The following ORC2 variants were observed in gnomAD, a reference collection of about 807,000 sequenced individuals.
The protein encoded by ORC2 is origin recognition complex protein 2 homolog.
Under a neutral mutation model 77.7 loss-of-function variants are expected in ORC2, and 37 were observed. The observed-to-expected ratio is 0.48, with a 90% CI of 0.37 to 0.63. ORC2 has a LOEUF of 0.63. ORC2 is among the 20% of genes least tolerant of loss of function. The probability of loss-of-function intolerance (pLI) is 0.00; values close to 1 mark genes in which losing one functional copy is unlikely to be tolerated. For synonymous variants in ORC2, 201 were observed against 229.5 expected, an observed-to-expected ratio of 0.88 and a Z score of 1.12; for missense variants, 557 against 661.9, an observed-to-expected ratio of 0.84 and a Z score of 1.74.
intron 13 of ORC2, among the ~76,000 whole-genome samples, chr2:200,922,042 C>CA (rs1361208053): frequency 6.7e-6 from 1 of 148,966 alleles, no homozygotes; most frequent in Non-Finnish European, 1.5e-5. Flanking sequence ...GGAGGGATAC[C>CA]AAAAAAACCA....
rs2040547717 is a variant in ORC2 at position 200,911,318 on chromosome 2, C to G, written c.1717G>C (p.Glu573Gln). ...GGAAAGCTTCAAGCCTCCTCTTCTT[C>G]CTTTTCCAAGAAATCAGTCAATGTT... Reference protein sequence around the residue: ...NGTLTDFLEKEEEEA With the variant: ...NGTLTDFLEKQEEEA The change falls in exon 18 of 18, where the codon GAA becomes CAA. Residue 573 changes from glutamate to glutamine, a missense_variant. Glu to Gln is a conservative substitution (Grantham distance 29). Transcript: ENST00000234296. 1 of 1,606,234 alleles carries G rather than the reference C, an allele frequency of 6.2e-7. No homozygotes were observed. Among genetic ancestry groups the G allele is most frequent in the Non-Finnish European group, 8.5e-7 (1 of 1,173,012 alleles).
chr2:200,947,192 G>A (rs938380758), intron 5 of ORC2, among the ~76,000 whole-genome samples: 16 of 151,904 alleles, frequency 1.1e-4, no homozygotes, highest in Middle Eastern at 6.8e-3. Context: ...GCGAGCCACC[G>A]CGACCAACCA....
At chr2:200,914,237 C>G (rs1451868448) in intron 15 of ORC2, among the ~76,000 whole-genome samples, 1 of 148,824 alleles carries the variant, frequency 6.7e-6, no homozygotes, top group Non-Finnish European at 1.5e-5. Context: ...ATGATCTTGG[C>G]TCACTGCAAG....
At position 200,909,188 on chromosome 2, in the gene ORC2, T is replaced by C. The variant is rs149623467; in HGVS notation, c.*2113A>G. The stretch of plus-strand genomic sequence containing the variant: ...ACCAGCAAGTATGATATATTACCAA[T>C]TGTGTTTTTAAAAGGAGAAAGACAG... On this transcript the variant is annotated 3_prime_UTR_variant, in exon 18 of 18. Transcript: ENST00000234296. 43 of 152,180 alleles carry C rather than the reference T, an allele frequency of 2.8e-4. No individual in the cohort carries two copies. Among genetic ancestry groups the C allele is most frequent in the African/African-American group, 9.4e-4 (39 of 41,506 alleles). The allele number at this position is 152,180 out of a possible 1,614,324, so 9.4% of individuals were successfully genotyped here.
At chr2:200,940,298 G>T (rs751954893) in intron 7 of ORC2, among the ~76,000 whole-genome samples, 3 of 152,130 alleles carry the variant, frequency 2.0e-5, no homozygotes, top group East Asian at 1.9e-4. Context: ...GTGGGTCTGG[G>T]GAGTAACACT....
At chr2:200,952,055 A>T (rs892163655) in intron 4 of ORC2, among the ~76,000 whole-genome samples, 1 of 151,978 alleles carries the variant, frequency 6.6e-6, no homozygotes, top group Non-Finnish European at 1.5e-5. Context: ...CCTTTTTTTT[A>T]AAATGGGAAT....
chr2:200,939,412 T>C (rs905620280), intron 7 of ORC2, among the ~76,000 whole-genome samples: 10 of 152,190 alleles, frequency 6.6e-5, no homozygotes, highest in African/African-American at 2.4e-4. Context: ...CTACTTGCTA[T>C]AGAACATTTC....
Position 200,914,671 on chromosome 2 carries a change from C to CGG in ORC2, c.1467-681_1467-680dup, listed in dbSNP as rs564254923. Among the ~76,000 whole-genome samples, 22 of 152,094 alleles carry CGG rather than the reference C, an allele frequency of 1.4e-4. 2 individuals are homozygous for CGG. In the South Asian group the frequency reaches 4.6e-3, roughly 32 times the overall value. On this transcript the variant is annotated intron_variant, in intron 15 of 17. Coordinates refer to ENST00000234296, the MANE Select transcript of ORC2 (RefSeq NM_006190.5). ...GTATGCGCCTATGGTCTCAGCTACT[C>CGG]GGGAGGCTGAGGTGCAAAGATCACT...
intron 8 of ORC2, among the ~76,000 whole-genome samples, chr2:200,937,401 G>A (rs1339275325): frequency 2.6e-5 from 4 of 152,154 alleles, no homozygotes; most frequent in Non-Finnish European, 5.9e-5. Flanking sequence ...GGGCTATGAA[G>A]TATGAAGCCC....
chr2:200,915,003 C>CTTTT lies in ORC2; in HGVS notation c.1467-1015_1467-1012dup, dbSNP rs1158807101. Among the ~76,000 whole-genome samples, 57 of 65,284 alleles carry CTTTT rather than the reference C, an allele frequency of 8.7e-4. 4 individuals carry two copies. The highest frequency in any genetic ancestry group is 1.5e-3 in the Non-Finnish European group (50 of 33,538). 42.8% of individuals were successfully genotyped at this position (65,284 alleles called of 152,430 possible). A position where few individuals can be genotyped will look rare whatever the true frequency, so the allele number is the denominator to read the frequency against. On this transcript the variant is annotated intron_variant, in intron 15 of 17. Transcript: ENST00000234296. ...CTTCACTTTTTGATTCTTCCCACGTCTTTTTTTTTTTTTTTTTTTTTTTTT... is the reference window on the plus strand; with the variant it reads ...CTTCACTTTTTGATTCTTCCCACGTCTTTTTTTTTTTTTTTTTTTTTTTTTTTTT...
At chr2:200,911,930 C>A (rs887837704) in intron 17 of ORC2, among the ~76,000 whole-genome samples, 1 of 152,126 alleles carries the variant, frequency 6.6e-6, no homozygotes, top group African/African-American at 2.4e-5. Context: ...TTTGCTTAGA[C>A]CATCAGGAAT....
At chr2:200,960,344 A>C (rs952088227) in intron 1 of ORC2, among the ~76,000 whole-genome samples, 1 of 152,156 alleles carries the variant, frequency 6.6e-6, no homozygotes, top group Non-Finnish European at 1.5e-5. Flanking sequence ...TGAAGGAAAA[A>C]TTTTAAAAAT....
intron 8 of ORC2, among the ~76,000 whole-genome samples, chr2:200,937,445 T>C (rs2041067536): frequency 6.6e-6 from 1 of 152,198 alleles, no homozygotes; most frequent in Admixed American, 6.5e-5. Flanking sequence ...TGTTGACTAA[T>C]ACTATTATTG....
intron 1 of ORC2, 58 bp downstream of exon 1, chr2:200,963,425 GCACCTCA>G (rs1210702540): frequency 2.5e-6 from 1 of 398,486 alleles, no homozygotes; most frequent in African/African-American, 2.1e-5. Flanking sequence ...GCACCTGGAC[GCACCTCA>G]CACGCCGCGA....
chr2:200,913,729 T>C, intron 16 of ORC2: 18 of 1,366,758 alleles, frequency 1.3e-5, no homozygotes, highest in Non-Finnish European at 1.7e-5. Flanking sequence ...GGTTTGTCTT[T>C]CAATTTGTGT....
rs2040987212 is a variant in ORC2, at chr2:200,933,917, C to A, written c.766G>T (p.Asp256Tyr). Residue 256 changes from aspartate (D) to tyrosine (Y), a missense_variant, in exon 10 of 18, where the codon GAT becomes TAT. By Grantham distance (160) the Asp-to-Tyr change is radical (BLOSUM62 -3). Transcript: ENST00000234296. ...CTCTTTAGCTTCTGCAGTGTTCTAT[C>A]AGAGGTTAAAACTTTTGAACTGCTG... ...AHSSSKVLTSDRTLQKLKRAK... is the reference protein window; with the variant it reads ...AHSSSKVLTSYRTLQKLKRAK... 2.5e-6 allele frequency: 4 copies of A among 1,611,484 alleles called. No individual in the cohort carries two copies. The highest frequency in any genetic ancestry group is 3.4e-6 in the Non-Finnish European group (4 of 1,178,550).
intron 9 of ORC2, among the ~76,000 whole-genome samples, chr2:200,934,599 G>A (rs1466137018): frequency 1.3e-5 from 2 of 151,552 alleles, no homozygotes; most frequent in Admixed American, 1.3e-4. Context: ...AAAGTGTTGG[G>A]ATAACAGGCA....
At chr2:200,955,321 C>T (rs1293574774) in intron 4 of ORC2, among the ~76,000 whole-genome samples, 1 of 152,158 alleles carries the variant, frequency 6.6e-6, no homozygotes, top group Non-Finnish European at 1.5e-5. Flanking sequence ...AGACCCTACC[C>T]AGCCCACTAA....
chr2:200,920,724 C>A (rs1300005002), intron 14 of ORC2, among the ~76,000 whole-genome samples: 1 of 152,130 alleles, frequency 6.6e-6, no homozygotes, highest in Admixed American at 6.6e-5. Context: ...TGCGATATTA[C>A]AAGAAGAGAA....
Sources: allele counts gnomAD v4.1 joint callset (sites outside exome capture counted in the v4.1 genomes callset), GRCh38; gene constraint gnomAD v4.1.1; transcripts MANE v1.5; gene names NCBI Gene and HGNC (gene_info 2026-07-23, HGNC 2026-07-21).